Variants in DNPEP observed in about 807,000 individuals in gnomAD.
DNPEP encodes the protein aspartyl aminopeptidase.
In DNPEP, 46 loss-of-function variants were observed where a neutral mutation model predicts 59.1. That is an observed-to-expected ratio of 0.78 (90% CI 0.61 to 0.99). DNPEP has a LOEUF of 0.99. Among genes scored for constraint, DNPEP ranks in the 50% least tolerant of loss-of-function variants. The pLI, the probability that DNPEP is intolerant of heterozygous loss-of-function variation, is 0.00. For missense variants in DNPEP, 617 were observed against 649.9 expected (o/e 0.95, Z 0.55); for synonymous variants, 229 against 242.2 (o/e 0.95, Z 0.50).
chr2:219,392,677 T>A (rs375597975), upstream of DNPEP, among the ~76,000 whole-genome samples: 1 of 152,166 alleles, frequency 6.6e-6, no homozygotes, highest in African/African-American at 2.4e-5. Context: ...CCTGGCTCAT[T>A]TTTTGTATTT....
At chr2:219,386,202 C>G in intron 5 of DNPEP, 84 bp downstream of exon 5, 4 of 1,609,982 alleles carry the variant, frequency 2.5e-6, no homozygotes, top group Non-Finnish European at 3.4e-6. Context: ...AGACTGCCCC[C>G]ACCCCTCTTC....
At chr2:219,393,631 G>GC (rs1226107400), upstream of DNPEP, 2 of 152,218 alleles carry the variant, frequency 1.3e-5, no homozygotes, top group East Asian at 3.8e-4. Flanking sequence ...TCTTTGTACT[G>GC]CCCAGAGGTC....
At chr2:219,375,952 C>T (rs1384978982) in intron 13 of DNPEP, among the ~76,000 whole-genome samples, 1 of 152,030 alleles carries the variant, frequency 6.6e-6, no homozygotes, top group Admixed American at 6.6e-5. Context: ...ACTTGCAGTG[C>T]CAGGCTATGG....
At position 219,384,458 on chromosome 2, in the gene DNPEP, C is replaced by G. The variant is rs370962125; in HGVS notation, c.775-15G>C. On this transcript the variant is annotated splice_polypyrimidine_tract_variant and intron_variant, in intron 8 of 14. Coordinates refer to ENST00000273075, the MANE Select transcript of DNPEP (RefSeq NM_012100.4). ...CCACCCAAGACCTAGAGAGGTAAGA[C>G]AGTCAGCCCGACCTTCAACCCTCCA... is the stretch of plus-strand genomic sequence containing the variant. The G allele has an allele frequency of 1.9e-6, 3 of 1,604,096 alleles. No individual in the cohort carries two copies. The African/African-American group carries it at 4.0e-5, about 22-fold the overall frequency.
At chr2:219,395,526 A>T (rs1248409317) in intron 1 of DNPEP, among the ~76,000 whole-genome samples, 1 of 152,200 alleles carries the variant, frequency 6.6e-6, no homozygotes, top group African/African-American at 2.4e-5. Flanking sequence ...CTCCAAACAC[A>T]CATCAAGTAT....
chr2:219,374,235 C>T lies in DNPEP; in HGVS notation c.*57G>A, dbSNP rs373923975. 76 of 1,504,896 alleles carry T rather than the reference C, an allele frequency of 5.1e-5. No individual in the cohort carries two copies. Among genetic ancestry groups the T allele is most frequent in the Non-Finnish European group, 4.3e-5 (47 of 1,081,314 alleles). 93.2% of individuals were successfully genotyped at this position (1,504,896 alleles called of 1,614,324 possible). A position where few individuals can be genotyped will look rare whatever the true frequency, so the allele number is the denominator to read the frequency against. On this transcript the variant is annotated 3_prime_UTR_variant, in exon 15 of 15. Transcript: ENST00000273075. Reference sequence around the variant, plus strand: ...CTTTAATAATCCAGCTTCAGCTCAGCTGAGAACTTCCCCTCTCAGGTGCAA... The same window carrying T: ...CTTTAATAATCCAGCTTCAGCTCAGTTGAGAACTTCCCCTCTCAGGTGCAA...
At position 219,386,344 on chromosome 2, in the gene DNPEP, C is replaced by A. The variant is rs780459234; in HGVS notation, c.401G>T (p.Gly134Val). Residue 134 changes from glycine (G) to valine (V), a missense_variant, in exon 5 of 15, where the codon GGG (glycine) becomes GTG (valine). Physicochemically the swap from Gly to Val is moderately radical, Grantham distance 109 (BLOSUM62 -3). Transcript: ENST00000273075. The part of the protein sequence containing the change: ...QQVGVETYGG[G>V]IWSTWFDRDL... ...ACGGTCAAACCAGGTGCTCCAGATCCCACCACCATAGGTCTCCACACCGAC... is the reference window on the plus strand; with the variant it reads ...ACGGTCAAACCAGGTGCTCCAGATCACACCACCATAGGTCTCCACACCGAC... 3.1e-6 allele frequency: 5 copies of A among 1,614,210 alleles called. No homozygotes were observed. Among genetic ancestry groups the A allele is most frequent in the Non-Finnish European group, 4.2e-6 (5 of 1,180,038 alleles).
chr2:219,380,774 ATG>A (rs1953558389), intron 13 of DNPEP, among the ~76,000 whole-genome samples: 1 of 151,370 alleles, frequency 6.6e-6, no homozygotes, highest in Non-Finnish European at 1.5e-5. Context: ...GACAGTATAT[ATG>A]TGTGTATATG....
At chr2:219,381,312 T>C (rs1430763584) in intron 13 of DNPEP, 23 bp downstream of exon 13, 2 of 1,608,678 alleles carry the variant, frequency 1.2e-6, no homozygotes, top group Non-Finnish European at 1.7e-6. Flanking sequence ...CATCACACCT[T>C]CCCAGGCAGG....
At position 219,373,947 on chromosome 2, in the gene DNPEP, T is replaced by C. The variant is rs1218489508; in HGVS notation, c.*345A>G. ...CTGGGGATGGAAAGAGGGAAGACCG[T>C]TGAGGCCATTTCCCAGGTGGAGGAC... is the stretch of plus-strand genomic sequence containing the variant. On this transcript the variant is annotated 3_prime_UTR_variant, in exon 15 of 15. Coordinates refer to ENST00000273075, the MANE Select transcript of DNPEP (RefSeq NM_012100.4). The C allele has an allele frequency of 7.1e-6, 2 of 281,596 alleles. No individual in the cohort carries two copies. Among genetic ancestry groups the C allele is most frequent in the Non-Finnish European group, 1.4e-5 (2 of 147,558 alleles). 17.4% of individuals were successfully genotyped at this position (281,596 alleles called of 1,614,324 possible).
In DNPEP at chr2:219,386,719, A is replaced by T. The variant is rs1235571462; in HGVS notation, c.279T>A (p.Val93=). The change falls in exon 4 of 15, where the codon GTT becomes GTA. Residue 93 remains valine (V), a synonymous_variant. Transcript: ENST00000273075. ...CGATGAGGCTGAAGCCATTGCCAGG[A>T]ACGTACTGGCCCCCTACAGCAAAAG... ...IIAFAVGGQY[V]PGNGFSLIGA... is the part of the protein sequence containing the mutation. 6.2e-7 allele frequency: 1 copy of T among 1,613,188 alleles called. No homozygotes were observed. The highest frequency in any genetic ancestry group is 8.5e-7 in the Non-Finnish European group (1 of 1,179,822).
chr2:219,380,069 G>A (rs532539239), intron 13 of DNPEP, among the ~76,000 whole-genome samples: 1 of 152,170 alleles, frequency 6.6e-6, no homozygotes, highest in African/African-American at 2.4e-5. Context: ...TAATGTCCTA[G>A]GCCTTCACAT....
Position 219,374,227 on chromosome 2 carries a change from C to T in DNPEP, c.*65G>A. The T allele has an allele frequency of 6.9e-7, 1 of 1,444,258 alleles. No individual in the cohort carries two copies. Among genetic ancestry groups the T allele is most frequent in the Non-Finnish European group, 9.7e-7 (1 of 1,026,732 alleles). 89.5% of individuals were successfully genotyped at this position (1,444,258 alleles called of 1,614,324 possible). A position where few individuals can be genotyped will look rare whatever the true frequency, so the allele number is the denominator to read the frequency against. ...ACAATCCACTTTAATAATCCAGCTTCAGCTCAGCTGAGAACTTCCCCTCTC... is the reference window on the plus strand; with the variant it reads ...ACAATCCACTTTAATAATCCAGCTTTAGCTCAGCTGAGAACTTCCCCTCTC... On this transcript the variant is annotated 3_prime_UTR_variant, in exon 15 of 15. Coordinates refer to ENST00000273075, the MANE Select transcript of DNPEP (RefSeq NM_012100.4).
intron 1 of DNPEP, chr2:219,399,473 G>A (rs970256075): frequency 1.7e-5 from 8 of 463,850 alleles, no homozygotes; most frequent in African/African-American, 1.6e-4. Flanking sequence ...TTGGGCTGAG[G>A]CCCAGGGATC....
Position 219,386,451 on chromosome 2 carries a change from C to T in DNPEP, c.334-40G>A, listed in dbSNP as rs371612060. 260 of 1,612,748 alleles carry T rather than the reference C, an allele frequency of 1.6e-4. 2 individuals are homozygous for T. Among genetic ancestry groups the T allele is most frequent in the Middle Eastern group, 4.9e-4 (3 of 6,080 alleles). On this transcript the variant is annotated intron_variant, in intron 4 of 14. Transcript: ENST00000273075. ...GGAGAAGTCAGAGAAGGCTTCATGA[C>T]GATATGTGGAGATGAGACTTTGGCT...
At chr2:219,393,302 CAG>C (rs1220426292), upstream of DNPEP, among the ~76,000 whole-genome samples, 3 of 151,910 alleles carry the variant, frequency 2.0e-5, no homozygotes, top group African/African-American at 4.8e-5. Context: ...TTTTTTGAGA[CAG>C]AGTCTTGCTC....
chr2:219,375,126 G>A (rs1953320917), intron 13 of DNPEP, 104 bp from the exon 14 acceptor site: 1 of 1,221,750 alleles, frequency 8.2e-7, no homozygotes, highest in Non-Finnish European at 1.2e-6. Context: ...CTGGGAGATG[G>A]TCCATTCGGA....
chr2:219,382,022 T>C lies in DNPEP; in HGVS notation c.1054A>G (p.Met352Val), dbSNP rs774878328. Residue 352 changes from methionine to valine, a missense_variant, in exon 11 of 15, where the codon ATG (methionine) becomes GTG (valine). Transcript: ENST00000273075. Reference sequence around the variant, plus strand: ...GCATGGGCCATGTCTGCGCTGATCATGAAGGACTTGGGTATGGCTTCCTCG... The same window carrying C: ...GCATGGGCCATGTCTGCGCTGATCACGAAGGACTTGGGTATGGCTTCCTCG... ...AFEEAIPKSF[M>V]ISADMAHAVH... The C allele has an allele frequency of 1.9e-6, 3 of 1,614,230 alleles. No homozygotes were observed. Among genetic ancestry groups the C allele is most frequent in the East Asian group, 4.5e-5 (2 of 44,888 alleles).
upstream of DNPEP, among the ~76,000 whole-genome samples, chr2:219,390,184 A>G (rs1574997845): frequency 6.6e-6 from 1 of 152,234 alleles, no homozygotes. Context: ...TTGATGAGCT[A>G]TTACTGCTGC....
Sources: allele counts gnomAD v4.1 joint callset (sites outside exome capture counted in the v4.1 genomes callset), GRCh38; gene constraint gnomAD v4.1.1; transcripts MANE v1.5; gene names NCBI Gene and HGNC (gene_info 2026-07-23, HGNC 2026-07-21).